Variants in DCAF8L2 observed in about 807,000 individuals in gnomAD.
DCAF8L2 encodes DDB1- and CUL4-associated factor 8-like protein 2.
For synonymous variants in DCAF8L2, 200 were observed against 190.9 expected, an observed-to-expected ratio of 1.05 and a Z score of -0.39; for missense variants, 430 against 490.7, an observed-to-expected ratio of 0.88 and a Z score of 1.17.
At chrX:27,472,595 A>G in the DCAF8L2 span, among the ~76,000 whole-genome samples, 1 of 110,704 alleles carries the variant, frequency 9.0e-6, no homozygotes, top group East Asian at 2.9e-4. Flanking sequence ...CCCTGTATCC[A>G]TGTTTTCTCA....
At chrX:27,500,759 T>A in the DCAF8L2 span, among the ~76,000 whole-genome samples, 1 of 111,840 alleles carries the variant, frequency 8.9e-6, no homozygotes, top group Admixed American at 9.6e-5. Context: ...GAAATAGCCC[T>A]GGTGCAACAG....
At chrX:27,729,661 G>A (rs972930301) in intron 4 of DCAF8L2, among the ~76,000 whole-genome samples, 3 of 111,793 alleles carry the variant, frequency 2.7e-5, no homozygotes, top group East Asian at 2.8e-4. Context: ...TTCTCACATC[G>A]TGGAAGGGAA....
chrX:27,564,129 G>T, the DCAF8L2 span, among the ~76,000 whole-genome samples: 2 of 111,782 alleles, frequency 1.8e-5, no homozygotes, highest in African/African-American at 6.5e-5. Flanking sequence ...GGAGGCTTTG[G>T]GAAACCTACA....
the DCAF8L2 span, among the ~76,000 whole-genome samples, chrX:27,520,208 TTG>T: frequency 8.9e-6 from 1 of 111,907 alleles, no homozygotes; most frequent in South Asian, 3.7e-4. Context: ...AAGAGACAAC[TTG>T]ATTTCAAGGT....
At chrX:27,559,863 A>G in the DCAF8L2 span, among the ~76,000 whole-genome samples, 52 of 111,648 alleles carry the variant, frequency 4.7e-4, no homozygotes, top group Non-Finnish European at 8.1e-4. Context: ...ACTTTTGTCA[A>G]TCTTCCAATC....
chrX:27,529,420 C>CT, the DCAF8L2 span, among the ~76,000 whole-genome samples: 1 of 111,282 alleles, frequency 9.0e-6, no homozygotes, highest in Non-Finnish European at 1.9e-5. Flanking sequence ...AAAATTAGAT[C>CT]AGGTACCTAA....
At chrX:27,607,040 G>A in intron 1 of DCAF8L2, among the ~76,000 whole-genome samples, 1 of 111,306 alleles carries the variant, frequency 9.0e-6, no homozygotes, top group Non-Finnish European at 1.9e-5. Context: ...AGGAATACTT[G>A]TACAAAAAAA....
the DCAF8L2 span, among the ~76,000 whole-genome samples, chrX:27,503,731 T>C: frequency 2.9e-4 from 32 of 111,520 alleles, no homozygotes; most frequent in East Asian, 5.0e-3. Flanking sequence ...AAGCTACTTC[T>C]TTTCTCAGAC....
chrX:27,640,763 T>C (rs1411112296), intron 2 of DCAF8L2, among the ~76,000 whole-genome samples: 3 of 111,056 alleles, frequency 2.7e-5, no homozygotes, highest in Non-Finnish European at 5.7e-5. Flanking sequence ...GTTAATTTGT[T>C]TTTATTTTAG....
At chrX:27,589,449 A>T (rs1001435411), upstream of DCAF8L2, among the ~76,000 whole-genome samples, 6 of 112,092 alleles carry the variant, frequency 5.4e-5, no homozygotes, top group African/African-American at 1.6e-4. Flanking sequence ...TGGTGAAATG[A>T]ATATTATTTT....
chrX:27,530,114 A>T, the DCAF8L2 span, among the ~76,000 whole-genome samples: 1 of 111,556 alleles, frequency 9.0e-6, no homozygotes, highest in Non-Finnish European at 1.9e-5. Context: ...GTTTGAAAAT[A>T]ACTGGATAAA....
chrX:27,494,049 G>T, the DCAF8L2 span, among the ~76,000 whole-genome samples: 2 of 111,749 alleles, frequency 1.8e-5, no homozygotes, highest in Admixed American at 9.6e-5. Flanking sequence ...TACATATAAT[G>T]CTTCTATAAA....
the DCAF8L2 span, among the ~76,000 whole-genome samples, chrX:27,481,572 T>C: frequency 3.7e-3 from 412 of 111,046 alleles, 1 homozygote; most frequent in Non-Finnish European, 5.5e-3. Flanking sequence ...CAAAAGGCTA[T>C]TGTAATAAAA....
upstream of DCAF8L2, among the ~76,000 whole-genome samples, chrX:27,589,650 A>G (rs770380005): frequency 8.9e-6 from 1 of 112,269 alleles, no homozygotes; most frequent in Admixed American, 9.5e-5. Flanking sequence ...CATGATTTGC[A>G]CATAAAAAAG....
At chrX:27,521,896 G>T in the DCAF8L2 span, among the ~76,000 whole-genome samples, 3 of 112,228 alleles carry the variant, frequency 2.7e-5, no homozygotes, top group African/African-American at 9.7e-5. Context: ...CAAGATAATA[G>T]ATTTCAAGAA....
chrX:27,689,058 T>C (rs1196380706), intron 3 of DCAF8L2, among the ~76,000 whole-genome samples: 6 of 112,086 alleles, frequency 5.4e-5, no homozygotes, highest in African/African-American at 1.9e-4. Context: ...ATGGGAAAAG[T>C]GTTTTGCTAT....
In DCAF8L2 at chrX:27,639,561, T is replaced by C. The variant is rs1928625193; in HGVS notation, c.-220+7561T>C. Reference sequence around the variant, plus strand: ...CAAAATATCTCATGTACTCCATAAATATATACACCTACTAAGTATCTACAA... The same window carrying C: ...CAAAATATCTCATGTACTCCATAAACATATACACCTACTAAGTATCTACAA... On this transcript the variant is annotated intron_variant, in intron 2 of 4. Transcript: ENST00000451261. Among the ~76,000 whole-genome samples the C allele has an allele frequency of 2.7e-5, 3 of 111,805 alleles. No individual in the cohort carries two copies. In the South Asian group the frequency reaches 1.1e-3, roughly 42 times the overall value.
At chrX:27,486,646 A>G in the DCAF8L2 span, among the ~76,000 whole-genome samples, 5 of 110,995 alleles carry the variant, frequency 4.5e-5, no homozygotes, top group Non-Finnish European at 9.4e-5. Context: ...CTTTTTGTCC[A>G]TTGTATATCT....
chrX:27,637,710 T>G (rs112176471), intron 2 of DCAF8L2, among the ~76,000 whole-genome samples: 4 of 112,013 alleles, frequency 3.6e-5, no homozygotes, highest in African/African-American at 1.3e-4. Context: ...TAAAATCATT[T>G]ATGAATAAAA....
Sources: gnomAD v4.1 joint callset for allele counts (sites outside exome capture counted in the v4.1 genomes callset) on GRCh38, gnomAD v4.1.1 for gene constraint, MANE v1.5 for transcripts, NCBI Gene and HGNC (gene_info 2026-07-23, HGNC 2026-07-21) for gene names.